LARGE1: variants seen among roughly 807,000 people sequenced by gnomAD.
LARGE1 encodes LARGE xylosyl- and glucuronyltransferase 1, also known as xylosyl- and glucuronyltransferase LARGE1.
A neutral mutation model predicts 87.6 loss-of-function variants in LARGE1; 43 were observed. The observed-to-expected ratio is 0.49, with a 90% CI of 0.38 to 0.63. The LOEUF (loss-of-function observed/expected upper bound fraction) is 0.63, where lower values mean the gene tolerates loss of function less well. LARGE1 is among the 30% of genes least tolerant of loss of function. LARGE1 has a pLI of 0.00. For synonymous variants in LARGE1, 434 were observed against 394.6 expected (o/e 1.10, Z -1.18); for missense variants, 802 against 1,000.2 (o/e 0.80, Z 2.67).
chr22:33,173,051 T>C (rs1185090668), intron 11 of LARGE1, among the ~76,000 whole-genome samples: 1 of 151,954 alleles, frequency 6.6e-6, no homozygotes, highest in Non-Finnish European at 1.5e-5. Flanking sequence ...CCAAGACACA[T>C]AATCATCAGA....
intron 1 of LARGE1, among the ~76,000 whole-genome samples, chr22:33,906,587 T>C (rs954201985): frequency 2.6e-5 from 4 of 152,194 alleles, no homozygotes; most frequent in African/African-American, 9.7e-5. Flanking sequence ...TACAAACTGC[T>C]AAGGAAGGGG....
chr22:33,918,968 C>T (rs2065865197), intron 1 of LARGE1, among the ~76,000 whole-genome samples: 1 of 151,590 alleles, frequency 6.6e-6, no homozygotes. Context: ...TGTAAAACTT[C>T]CAGTGACATT....
At chr22:33,760,152 A>G (rs1569431297) in intron 2 of LARGE1, among the ~76,000 whole-genome samples, 1 of 152,250 alleles carries the variant, frequency 6.6e-6, no homozygotes, top group Non-Finnish European at 1.5e-5. Flanking sequence ...TCCTTGAGAC[A>G]GATTTTCATT....
chr22:33,389,007 C>G (rs992046603), intron 7 of LARGE1, among the ~76,000 whole-genome samples: 3 of 152,222 alleles, frequency 2.0e-5, no homozygotes, highest in Admixed American at 2.0e-4. Flanking sequence ...ACTGCAAACA[C>G]TGAGATCATG....
intron 6 of LARGE1, among the ~76,000 whole-genome samples, chr22:33,561,239 C>T (rs1383297460): frequency 6.6e-6 from 1 of 152,184 alleles, no homozygotes; most frequent in Non-Finnish European, 1.5e-5. Context: ...CCAGCTCCAC[C>T]ATTGTAATGG....
chr22:33,485,524 C>T (rs538656076), intron 6 of LARGE1, among the ~76,000 whole-genome samples: 2 of 152,180 alleles, frequency 1.3e-5, no homozygotes, highest in Non-Finnish European at 2.9e-5. Context: ...AATACATATT[C>T]CTTGCAGGAA....
intron 2 of LARGE1, among the ~76,000 whole-genome samples, chr22:33,715,545 A>T (rs76649727): frequency 0.015 from 2,277 of 152,276 alleles, 56 homozygotes; most frequent in African/African-American, 0.051. Context: ...CCCATCCCCT[A>T]GTACTGTCTA....
intron 1 of LARGE1, among the ~76,000 whole-genome samples, chr22:33,865,217 C>G (rs986296742): frequency 6.6e-6 from 1 of 152,208 alleles, no homozygotes; most frequent in East Asian, 1.9e-4. Context: ...AGGGAAGGCA[C>G]AGCTGGGAGC....
chr22:33,647,119 C>T (rs975093469), intron 3 of LARGE1, among the ~76,000 whole-genome samples: 1 of 152,206 alleles, frequency 6.6e-6, no homozygotes. Context: ...GGGCTACTCC[C>T]AGAGATTCTT....
At position 33,244,031 on chromosome 22, in the gene LARGE1, C is replaced by T. The variant is rs537390095; in HGVS notation, c.1730+60198G>A. ...TGAGGCGGAGTCTTGCTCTGTCGCC[C>T]AGGCTGGAGTGCAGTGGCGCGATCT... On this transcript the variant is annotated intron_variant, in intron 11 of 11. Coordinates refer to the LARGE1 transcript ENST00000608642. Among the ~76,000 whole-genome samples the T allele has an allele frequency of 1.9e-3, 293 of 152,248 alleles. 2 individuals are homozygous for T. The highest frequency in any genetic ancestry group is 6.8e-3 in the African/African-American group (284 of 41,548).
At chr22:33,427,046 G>C (rs1273256232) in intron 7 of LARGE1, among the ~76,000 whole-genome samples, 1 of 152,102 alleles carries the variant, frequency 6.6e-6, no homozygotes, top group Non-Finnish European at 1.5e-5. Context: ...GCTGTTGTTT[G>C]TTTTTAAGAT....
chr22:33,517,451 A>C (rs1284344091), intron 6 of LARGE1, among the ~76,000 whole-genome samples: 1 of 152,188 alleles, frequency 6.6e-6, no homozygotes, highest in Non-Finnish European at 1.5e-5. Context: ...GCTGGAGTGC[A>C]GTGGTGCAAT....
chr22:33,589,463 T>C (rs1167435019), intron 5 of LARGE1, among the ~76,000 whole-genome samples: 1 of 148,192 alleles, frequency 6.7e-6, no homozygotes, highest in Non-Finnish European at 1.5e-5. Context: ...AGGTTTGCCA[T>C]CTTCTTATAT....
intron 9 of LARGE1, among the ~76,000 whole-genome samples, chr22:33,357,137 C>T (rs780357064): frequency 5.3e-5 from 8 of 151,806 alleles, no homozygotes; most frequent in Non-Finnish European, 7.4e-5. Context: ...AATGGCTTAA[C>T]GTAGAAAGAA....
chr22:33,604,413 G>C (rs1427765520), intron 5 of LARGE1, 22 bp downstream of exon 5: 1 of 1,613,796 alleles, frequency 6.2e-7, no homozygotes, highest in African/African-American at 1.3e-5. Context: ...GATCACGGAA[G>C]TGCCTCCCCT....
intron 5 of LARGE1, among the ~76,000 whole-genome samples, chr22:33,583,006 A>G (rs1416817164): frequency 1.3e-5 from 2 of 152,364 alleles, no homozygotes; most frequent in East Asian, 3.9e-4. Context: ...AACCACATTA[A>G]GTATGAGCAC....
At chr22:33,536,428 T>C (rs927368837) in intron 6 of LARGE1, among the ~76,000 whole-genome samples, 3 of 152,332 alleles carry the variant, frequency 2.0e-5, no homozygotes, top group South Asian at 4.1e-4. Context: ...AGTTATCAAT[T>C]AATTACAGAA....
At chr22:33,881,180 T>C (rs2064671107) in intron 1 of LARGE1, among the ~76,000 whole-genome samples, 1 of 152,080 alleles carries the variant, frequency 6.6e-6, no homozygotes, top group Non-Finnish European at 1.5e-5. Flanking sequence ...GTACCAGGTT[T>C]CCAGAACACA....
chr22:33,081,725 A>G, the LARGE1 span, among the ~76,000 whole-genome samples: 4 of 152,184 alleles, frequency 2.6e-5, no homozygotes, highest in Non-Finnish European at 4.4e-5. Flanking sequence ...CCTCATGTCT[A>G]TCCAGAACCT....
Sources: gnomAD v4.1 joint callset for allele counts (sites outside exome capture counted in the v4.1 genomes callset) on GRCh38, gnomAD v4.1.1 for gene constraint, MANE v1.5 for transcripts, NCBI Gene and HGNC (gene_info 2026-07-23, HGNC 2026-07-21) for gene names.